TGFBRAP1: variants seen among roughly 807,000 people sequenced by gnomAD.
TGFBRAP1 encodes transforming growth factor beta receptor associated protein 1.
In TGFBRAP1, 20 loss-of-function variants were observed where a neutral mutation model predicts 83.2. The ratio of observed to expected loss-of-function variants is 0.24; its 90% CI spans 0.17 to 0.35. The LOEUF (loss-of-function observed/expected upper bound fraction) is 0.35. TGFBRAP1 is among the 10% of genes least tolerant of loss of function. The probability of loss-of-function intolerance (pLI) is 1.00; values close to 1 mark genes in which losing one functional copy is unlikely to be tolerated. For synonymous variants in TGFBRAP1, 415 were observed against 459.8 expected, an observed-to-expected ratio of 0.90 and a Z score of 1.25; for missense variants, 950 against 1,099.4, an observed-to-expected ratio of 0.86 and a Z score of 1.92.
intron 1 of TGFBRAP1, among the ~76,000 whole-genome samples, chr2:105,325,786 T>C (rs1679209874): frequency 6.6e-6 from 1 of 152,188 alleles, no homozygotes; most frequent in African/African-American, 2.4e-5. Flanking sequence ...CTGCACCCCA[T>C]GCTGGTCCCG....
chr2:105,295,236 C>G (rs763455473), intron 4 of TGFBRAP1, among the ~76,000 whole-genome samples: 2 of 152,180 alleles, frequency 1.3e-5, no homozygotes, highest in Non-Finnish European at 2.9e-5. Context: ...AGAATCTACC[C>G]TTTTCTGCAT....
At chr2:105,310,592 G>A (rs915107740) in intron 1 of TGFBRAP1, among the ~76,000 whole-genome samples, 1 of 151,954 alleles carries the variant, frequency 6.6e-6, no homozygotes, top group Non-Finnish European at 1.5e-5. Context: ...CGGGGCTGTG[G>A]GAACATCCCC....
chr2:105,251,659 G>A, the TGFBRAP1 span, among the ~76,000 whole-genome samples: 20 of 152,360 alleles, frequency 1.3e-4, no homozygotes, highest in African/African-American at 4.1e-4. Flanking sequence ...ACAGCTCATT[G>A]AGAAGGGGCC....
At position 105,298,433 on chromosome 2, in the gene TGFBRAP1, T is replaced by A. The variant is rs189679785; in HGVS notation, c.883+78A>T. On this transcript the variant is annotated intron_variant, in intron 3 of 11. Coordinates refer to ENST00000393359, the MANE Select transcript of TGFBRAP1 (RefSeq NM_004257.6). The stretch of plus-strand genomic sequence containing the variant: ...CTTTTATGCTTAGCGCAAGGCCCAG[T>A]TCCTAAATGATATTTACCGAAGAAA... 4.5e-4 allele frequency: 665 copies of A among 1,465,846 alleles called. 6 individuals are homozygous for A. The East Asian group carries it at 0.014, about 30-fold the overall frequency. 90.8% of individuals were successfully genotyped at this position (1,465,846 alleles called of 1,614,324 possible).
At chr2:105,302,975 G>A (rs189654582) in intron 2 of TGFBRAP1, among the ~76,000 whole-genome samples, 6 of 152,322 alleles carry the variant, frequency 3.9e-5, no homozygotes, top group Admixed American at 3.9e-4. Flanking sequence ...GAGCGGTAGT[G>A]CTGGTCCTGT....
At chr2:105,304,940 G>T (rs779877462) in intron 2 of TGFBRAP1, among the ~76,000 whole-genome samples, 2 of 152,212 alleles carry the variant, frequency 1.3e-5, no homozygotes, top group Non-Finnish European at 2.9e-5. Context: ...TTAGGGGAAG[G>T]GAGGGATGAA....
At chr2:105,304,688 C>G (rs1678434953) in intron 2 of TGFBRAP1, among the ~76,000 whole-genome samples, 1 of 152,184 alleles carries the variant, frequency 6.6e-6, no homozygotes, top group Non-Finnish European at 1.5e-5. Context: ...GAGGTTAAGG[C>G]AGGAGAATCG....
At chr2:105,259,528 G>GACTAGAGATCTGGGCACACA (rs1364434661), downstream of TGFBRAP1, among the ~76,000 whole-genome samples, 9 of 152,196 alleles carry the variant, frequency 5.9e-5, no homozygotes, top group African/African-American at 2.2e-4. Context: ...GAAGGGGCAT[G>GACTAGAGATCTGGGCACACA]ACTAGAGATC....
At chr2:105,324,886 G>A (rs944842615) in intron 1 of TGFBRAP1, 1 of 152,288 alleles carries the variant, frequency 6.6e-6, no homozygotes, top group Non-Finnish European at 1.5e-5. Flanking sequence ...TGTGGTAAAT[G>A]TGGGCACGCT....
chr2:105,270,084 T>C (rs1677099101), intron 10 of TGFBRAP1, among the ~76,000 whole-genome samples: 1 of 152,146 alleles, frequency 6.6e-6, no homozygotes, highest in Non-Finnish European at 1.5e-5. Flanking sequence ...CAGTATCTTT[T>C]GACTAAAATA....
At chr2:105,254,651 G>T in the TGFBRAP1 span, among the ~76,000 whole-genome samples, 1 of 152,076 alleles carries the variant, frequency 6.6e-6, no homozygotes, top group South Asian at 2.1e-4. Flanking sequence ...TGCCTGCCAG[G>T]CTGGCCTAGG....
chr2:105,329,173 G>C (rs1344296224), intron 1 of TGFBRAP1, among the ~76,000 whole-genome samples: 1 of 151,904 alleles, frequency 6.6e-6, no homozygotes, highest in Non-Finnish European at 1.5e-5. Flanking sequence ...CAATCACAGC[G>C]CCAAAACCAT....
chr2:105,317,377 C>T (rs1225795870), intron 1 of TGFBRAP1, among the ~76,000 whole-genome samples: 1 of 150,784 alleles, frequency 6.6e-6, no homozygotes, highest in Non-Finnish European at 1.5e-5. Flanking sequence ...GCGGAGATTG[C>T]AGTGAGCCAA....
At chr2:105,306,058 TTTG>T (rs1237885513) in intron 2 of TGFBRAP1, among the ~76,000 whole-genome samples, 1 of 112,732 alleles carries the variant, frequency 8.9e-6, no homozygotes, top group South Asian at 3.3e-4. Context: ...TTTTTTGTTT[TTTG>T]TTTTTTGTTT....
intron 2 of TGFBRAP1, among the ~76,000 whole-genome samples, chr2:105,299,389 C>T (rs978909498): frequency 1.3e-5 from 2 of 152,122 alleles, no homozygotes; most frequent in African/African-American, 4.8e-5. Flanking sequence ...AAGTGACTTT[C>T]AAATAGGGCG....
rs1165884206 is a variant in TGFBRAP1, at chr2:105,267,336, G to C, written c.*47C>G. On this transcript the variant is annotated 3_prime_UTR_variant, in exon 12 of 12. Transcript: ENST00000393359. ...GTCATCTGCTCTTCATGTCCAGCAG[G>C]CTCAGAAAGAACTCGGAGTTCCCCT... is the stretch of plus-strand genomic sequence containing the variant. 3 of 1,605,112 alleles carry C rather than the reference G, an allele frequency of 1.9e-6. No individual in the cohort carries two copies. In the African/African-American group the frequency reaches 4.0e-5, roughly 21 times the overall value.
rs530554709 is a variant in TGFBRAP1, at chr2:105,318,044, G to T, written c.-17-9726C>A. The stretch of plus-strand genomic sequence containing the variant: ...CATGCCAGGGGAAGGTTCGGAGCTG[G>T]TAAGGACAGGTTATCATTACCTAGG... On this transcript the variant is annotated intron_variant, in intron 1 of 11. Coordinates refer to ENST00000393359, the MANE Select transcript of TGFBRAP1 (RefSeq NM_004257.6). Among the ~76,000 whole-genome samples, 4 of 152,290 alleles carry T rather than the reference G, an allele frequency of 2.6e-5. No individual in the cohort carries two copies. The South Asian group carries it at 8.3e-4, about 32-fold the overall frequency.
chr2:105,250,700 C>A, the TGFBRAP1 span, among the ~76,000 whole-genome samples: 1 of 151,810 alleles, frequency 6.6e-6, no homozygotes, highest in African/African-American at 2.4e-5. Flanking sequence ...CCCCCTGATG[C>A]CGAGCCAAAG....
chr2:105,257,036 G>T, the TGFBRAP1 span, among the ~76,000 whole-genome samples: 1 of 152,192 alleles, frequency 6.6e-6, no homozygotes, highest in African/African-American at 2.4e-5. Flanking sequence ...CCCTTGTTTA[G>T]CATGTAATCA....
Sources: allele counts gnomAD v4.1 joint callset (sites outside exome capture counted in the v4.1 genomes callset), GRCh38; gene constraint gnomAD v4.1.1; transcripts MANE v1.5; gene names NCBI Gene and HGNC (gene_info 2026-07-23, HGNC 2026-07-21).